The following DIO2 variants were observed in gnomAD, a reference collection of about 807,000 sequenced individuals.
The protein encoded by DIO2 is iodothyronine deiodinase 2.
A neutral mutation model predicts 21.4 loss-of-function variants in DIO2; 19 were observed. The observed-to-expected ratio is 0.89, with a 90% CI of 0.62 to 1.30. The LOEUF is 1.30. Ranked by LOEUF, DIO2 falls within the 50% of genes most tolerant of loss-of-function variation. The pLI is 0.00. For synonymous variants in DIO2, 122 were observed against 132.9 expected (o/e 0.92, Z 0.57); for missense variants, 302 against 338.1 (o/e 0.89, Z 0.84).
chr14:80,215,329 TG>T (rs1888326372), upstream of DIO2, among the ~76,000 whole-genome samples: 1 of 152,202 alleles, frequency 6.6e-6, no homozygotes, highest in South Asian at 2.1e-4. Flanking sequence ...TGCCTCTTTC[TG>T]GTTGGAAAAT....
intron 1 of DIO2, among the ~76,000 whole-genome samples, chr14:80,207,233 C>T (rs1887987661): frequency 6.6e-6 from 1 of 152,058 alleles, no homozygotes; most frequent in Non-Finnish European, 1.5e-5. Flanking sequence ...TGAACATAAA[C>T]ATATAGCATA....
intron 1 of DIO2, among the ~76,000 whole-genome samples, chr14:80,207,876 T>C (rs545013528): frequency 6.6e-6 from 1 of 152,312 alleles, no homozygotes; most frequent in African/African-American, 2.4e-5. Context: ...CTTTTGGGAC[T>C]GTTTCTCTCT....
At chr14:80,204,997 C>T (rs1451661213) in intron 1 of DIO2, among the ~76,000 whole-genome samples, 1 of 152,094 alleles carries the variant, frequency 6.6e-6, no homozygotes, top group Admixed American at 6.6e-5. Context: ...TTAGTCACCA[C>T]CACAGAGAAA....
intron 1 of DIO2, among the ~76,000 whole-genome samples, chr14:80,205,162 T>C (rs1481126271): frequency 6.6e-6 from 1 of 152,190 alleles, no homozygotes; most frequent in African/African-American, 2.4e-5. Context: ...TTGAAGGTAT[T>C]ATTAACCTTT....
intron 2 of DIO2, among the ~76,000 whole-genome samples, chr14:80,226,064 G>T (rs1888569739): frequency 6.6e-6 from 1 of 152,132 alleles, no homozygotes; most frequent in Admixed American, 6.5e-5. Context: ...GGGTGATGGT[G>T]AGTGGTGCCA....
upstream of DIO2, chr14:80,216,122 T>C (rs1888346174): frequency 6.6e-6 from 1 of 152,276 alleles, no homozygotes; most frequent in South Asian, 2.1e-4. Flanking sequence ...TCAGGAACTG[T>C]TGCTTCTCTT....
At chr14:80,224,886 C>A in intron 2 of DIO2, among the ~76,000 whole-genome samples, 1 of 152,182 alleles carries the variant, frequency 6.6e-6, no homozygotes, top group Admixed American at 6.5e-5. Flanking sequence ...TAAGTATTAA[C>A]TTACATGATC....
intron 2 of DIO2, among the ~76,000 whole-genome samples, chr14:80,217,497 G>A (rs1488141399): frequency 6.6e-6 from 1 of 152,128 alleles, no homozygotes; most frequent in Non-Finnish European, 1.5e-5. Flanking sequence ...TTTTCTAAGA[G>A]GTGGTAGACA....
chr14:80,207,329 T>G (rs1887991547), intron 1 of DIO2, among the ~76,000 whole-genome samples: 1 of 152,212 alleles, frequency 6.6e-6, no homozygotes, highest in South Asian at 2.1e-4. Context: ...GACTGTGAAA[T>G]GCAGGGCAAG....
chr14:80,225,228 C>G (rs192877994), intron 2 of DIO2, among the ~76,000 whole-genome samples: 1 of 152,270 alleles, frequency 6.6e-6, no homozygotes, highest in African/African-American at 2.4e-5. Flanking sequence ...CAGGTTGACA[C>G]TCAGTATCTA....
chr14:80,207,073 A>G (rs1431912555), intron 1 of DIO2, among the ~76,000 whole-genome samples: 7 of 152,174 alleles, frequency 4.6e-5, no homozygotes, highest in Admixed American at 4.6e-4. Flanking sequence ...TCTCATCTGC[A>G]CTATTACAGT....
exon 3 of DIO2, chr14:80,216,695 CT>C (rs1387202505): frequency 6.6e-6 from 1 of 152,116 alleles, no homozygotes; most frequent in Non-Finnish European, 1.5e-5. Flanking sequence ...CTCACCCTTT[CT>C]TTTCTGAAAC....
chr14:80,210,598 G>T (rs917507544), intron 1 of DIO2, among the ~76,000 whole-genome samples: 2 of 152,068 alleles, frequency 1.3e-5, no homozygotes, highest in South Asian at 2.1e-4. Flanking sequence ...CTTTTCTTTC[G>T]CAAGTTGATA....
chr14:80,215,747 C>A (rs1002730908), upstream of DIO2, among the ~76,000 whole-genome samples: 3 of 152,220 alleles, frequency 2.0e-5, no homozygotes, highest in Admixed American at 2.0e-4. Flanking sequence ...CCTAAAACAG[C>A]GCCGCTCTTA....
chr14:80,216,589 T>C (rs1283560379), intron 3 of DIO2: 4 of 152,092 alleles, frequency 2.6e-5, no homozygotes. Flanking sequence ...GTAGGGGAAT[T>C]GAGAAGAAGA....
chr14:80,207,870 T>G (rs553119839), intron 1 of DIO2, among the ~76,000 whole-genome samples: 13 of 152,298 alleles, frequency 8.5e-5, no homozygotes, highest in African/African-American at 3.1e-4. Context: ...TGTGTTCTTT[T>G]GGGACTGTTT....
upstream of DIO2, among the ~76,000 whole-genome samples, chr14:80,214,813 C>T (rs1289202311): frequency 1.3e-5 from 2 of 152,248 alleles, no homozygotes; most frequent in East Asian, 3.9e-4. Flanking sequence ...TATGACTTTT[C>T]CCATCATATA....
chr14:80,217,218 T>C (rs147742289), intron 2 of DIO2, among the ~76,000 whole-genome samples: 1 of 152,204 alleles, frequency 6.6e-6, no homozygotes, highest in African/African-American at 2.4e-5. Context: ...ATGAGGATGA[T>C]TGTATAATGA....
At chr14:80,203,901 C>A (rs1055793282) in intron 1 of DIO2, among the ~76,000 whole-genome samples, 3 of 152,204 alleles carry the variant, frequency 2.0e-5, no homozygotes, top group Admixed American at 1.3e-4. Context: ...AGTGATTCAG[C>A]TTTCCCACCT....
Sources: allele counts gnomAD v4.1 joint callset (sites outside exome capture counted in the v4.1 genomes callset), GRCh38; gene constraint gnomAD v4.1.1; transcripts MANE v1.5; gene names NCBI Gene and HGNC (gene_info 2026-07-23, HGNC 2026-07-21).